PTPRK: variants seen among roughly 807,000 people sequenced by gnomAD.
The protein encoded by PTPRK is protein tyrosine phosphatase receptor type K.
In PTPRK, 75 loss-of-function variants were observed where a neutral mutation model predicts 178.0. The observed-to-expected ratio is 0.42, with a 90% CI of 0.35 to 0.51. The LOEUF (loss-of-function observed/expected upper bound fraction) is 0.51. Ranked by LOEUF, PTPRK falls within the 20% of genes least tolerant of loss-of-function variation. The pLI, the probability that PTPRK is intolerant of heterozygous loss-of-function variation, is 0.02. For missense variants in PTPRK, 1,441 were observed against 1,797.8 expected, an observed-to-expected ratio of 0.80 and a Z score of 3.59; for synonymous variants, 637 against 620.6, an observed-to-expected ratio of 1.03 and a Z score of -0.39.
intron 1 of PTPRK, among the ~76,000 whole-genome samples, chr6:128,462,400 T>C (rs1230884403): frequency 6.6e-6 from 1 of 151,998 alleles, no homozygotes; most frequent in Non-Finnish European, 1.5e-5. Flanking sequence ...GTAAATAATA[T>C]AAAAACTAAT....
intron 3 of PTPRK, among the ~76,000 whole-genome samples, chr6:128,258,811 G>A (rs1817734949): frequency 6.6e-6 from 1 of 152,172 alleles, no homozygotes; most frequent in Non-Finnish European, 1.5e-5. Context: ...CGGAGGGAAT[G>A]ACAGGCACAA....
intron 1 of PTPRK, among the ~76,000 whole-genome samples, chr6:128,429,738 A>T (rs1446380088): frequency 6.6e-6 from 1 of 152,200 alleles, no homozygotes; most frequent in Non-Finnish European, 1.5e-5. Context: ...CTCTTCTAGA[A>T]GTTTGCCTTA....
At chr6:128,296,235 T>A (rs1824343557) in intron 3 of PTPRK, among the ~76,000 whole-genome samples, 1 of 152,062 alleles carries the variant, frequency 6.6e-6, no homozygotes, top group Non-Finnish European at 1.5e-5. Context: ...CCCTGGCTCT[T>A]CTAGTAGATA....
intron 1 of PTPRK, among the ~76,000 whole-genome samples, chr6:128,425,146 C>T (rs904215723): frequency 5.4e-5 from 8 of 149,276 alleles, no homozygotes; most frequent in Non-Finnish European, 7.4e-5. Flanking sequence ...GGCGTGATCT[C>T]GGCTCACTGC....
At chr6:128,504,720 A>G (rs990905133) in intron 1 of PTPRK, among the ~76,000 whole-genome samples, 2 of 152,154 alleles carry the variant, frequency 1.3e-5, no homozygotes, top group African/African-American at 4.8e-5. Flanking sequence ...GGTTTGTCCG[A>G]TACCCTAGTG....
chr6:128,080,062 G>A (rs113809064), intron 10 of PTPRK, among the ~76,000 whole-genome samples: 215 of 148,362 alleles, frequency 1.4e-3, no homozygotes, highest in African/African-American at 3.7e-3. Flanking sequence ...GCAGTGGGGG[G>A]ATGAAACCAG....
At chr6:128,368,195 C>A (rs1835785636) in intron 2 of PTPRK, among the ~76,000 whole-genome samples, 1 of 151,734 alleles carries the variant, frequency 6.6e-6, no homozygotes. Context: ...AAAGCAGAGA[C>A]TAAATTTAAT....
chr6:128,213,907 G>A (rs1038750930), intron 6 of PTPRK, among the ~76,000 whole-genome samples: 1 of 152,128 alleles, frequency 6.6e-6, no homozygotes, highest in Non-Finnish European at 1.5e-5. Context: ...AGAGTCTGGT[G>A]TAGACACCAC....
chr6:128,267,223 G>T (rs565786208), intron 3 of PTPRK, among the ~76,000 whole-genome samples: 1 of 151,886 alleles, frequency 6.6e-6, no homozygotes, highest in Non-Finnish European at 1.5e-5. Context: ...CTTTAAACAG[G>T]CAAAAATGTA....
chr6:128,275,587 CA>C (rs1219544017), intron 3 of PTPRK, among the ~76,000 whole-genome samples: 6 of 151,898 alleles, frequency 4.0e-5, no homozygotes, highest in Non-Finnish European at 1.5e-5. Flanking sequence ...TTAAAAGGGT[CA>C]AAACACTGAA....
At chr6:128,514,154 T>A (rs1857581101) in intron 1 of PTPRK, among the ~76,000 whole-genome samples, 1 of 152,210 alleles carries the variant, frequency 6.6e-6, no homozygotes, top group Admixed American at 6.5e-5. Context: ...AGATTTATTA[T>A]TTTATCCTTA....
At chr6:127,985,977 A>G in intron 21 of PTPRK, 102 bp from the exon 22 acceptor site, 3 of 1,145,774 alleles carry the variant, frequency 2.6e-6, no homozygotes, top group Non-Finnish European at 3.6e-6. Flanking sequence ...CAATGATAAC[A>G]ATAAAACCTT....
At chr6:128,008,047 T>C in intron 14 of PTPRK, 1 of 1,345,278 alleles carries the variant, frequency 7.4e-7, no homozygotes, top group Non-Finnish European at 1.0e-6. Flanking sequence ...AATGCATACC[T>C]AATGTTTCTA....
intron 7 of PTPRK, among the ~76,000 whole-genome samples, chr6:128,091,409 C>T (rs1259384796): frequency 1.3e-5 from 2 of 152,106 alleles, no homozygotes; most frequent in Non-Finnish European, 2.9e-5. Context: ...CAATTTAGTC[C>T]AGTTAGACCG....
chr6:128,000,484 T>A, intron 15 of PTPRK: 2 of 438,368 alleles, frequency 4.6e-6, no homozygotes, highest in Non-Finnish European at 7.0e-6. Context: ...AAATCCCTGA[T>A]AGATTCTGTT....
At position 128,143,805 on chromosome 6, in the gene PTPRK, G is replaced by A. The variant is rs544509838; in HGVS notation, c.1162+40627C>T. 4.6e-5 allele frequency among the ~76,000 whole-genome samples: 7 copies of A among 152,072 alleles called. No homozygotes were observed. In the East Asian group the frequency reaches 1.4e-3, roughly 29 times the overall value. On this transcript the variant is annotated intron_variant, in intron 7 of 29. Transcript: ENST00000368226. ...TTTTTCCCCTCTTAATATTTTGCTG[G>A]AGAAACCCAAATCTGAGTTAAATTT...
chr6:128,417,234 C>T (rs576577718), intron 1 of PTPRK, among the ~76,000 whole-genome samples: 7 of 151,934 alleles, frequency 4.6e-5, no homozygotes, highest in African/African-American at 9.6e-5. Flanking sequence ...TAAAGATACA[C>T]GGTATGTGTG....
At chr6:128,445,200 T>TATATA (rs1846793408) in intron 1 of PTPRK, among the ~76,000 whole-genome samples, 13 of 132,422 alleles carry the variant, frequency 9.8e-5, no homozygotes, top group African/African-American at 3.4e-4. Context: ...ACTATTTTAT[T>TATATA]TATATATATA....
chr6:128,136,256 C>T (rs1794996535), intron 7 of PTPRK, among the ~76,000 whole-genome samples: 1 of 152,148 alleles, frequency 6.6e-6, no homozygotes, highest in South Asian at 2.1e-4. Context: ...CCAGTTTGTA[C>T]TAATTTGTTA....
Sources: allele counts gnomAD v4.1 joint callset (sites outside exome capture counted in the v4.1 genomes callset), GRCh38; gene constraint gnomAD v4.1.1; transcripts MANE v1.5; gene names NCBI Gene and HGNC (gene_info 2026-07-23, HGNC 2026-07-21).